GBE1: variants seen among roughly 807,000 people sequenced by gnomAD.
GBE1 encodes the protein 1,4-alpha-glucan branching enzyme 1.
GBE1 carries 70 observed loss-of-function variants against 88.8 expected under a neutral mutation model. The ratio of observed to expected loss-of-function variants is 0.79; its 90% CI spans 0.65 to 0.96. GBE1 has a LOEUF of 0.96. Ranked by LOEUF, GBE1 falls within the 40% of genes least tolerant of loss-of-function variation. The pLI is 0.00. For synonymous variants in GBE1, 284 were observed against 300.1 expected, an observed-to-expected ratio of 0.95 and a Z score of 0.56; for missense variants, 872 against 871.0, an observed-to-expected ratio of 1.00 and a Z score of -0.01.
chr3:81,586,521 C>A (rs183429128), intron 9 of GBE1, among the ~76,000 whole-genome samples: 6 of 152,238 alleles, frequency 3.9e-5, no homozygotes, highest in Admixed American at 2.6e-4. Context: ...AGTTTTGTTG[C>A]TTTCACCAAG....
chr3:81,633,113 A>G (rs746027482), intron 7 of GBE1, among the ~76,000 whole-genome samples: 1 of 152,170 alleles, frequency 6.6e-6, no homozygotes, highest in East Asian at 1.9e-4. Flanking sequence ...ATTATGGCAC[A>G]TGGTTTGGCT....
intron 13 of GBE1, 91 bp from the exon 14 acceptor site, chr3:81,535,416 T>C: frequency 1.6e-6 from 2 of 1,255,300 alleles, no homozygotes; most frequent in Non-Finnish European, 2.2e-6. Flanking sequence ...AGTCTGGTTA[T>C]TAAACCAAAA....
At position 81,560,333 on chromosome 3, in the gene GBE1, T is replaced by C. The variant is rs575920493; in HGVS notation, c.1618+17592A>G. On this transcript the variant is annotated intron_variant, in intron 12 of 15. Coordinates refer to ENST00000429644, the MANE Select transcript of GBE1 (RefSeq NM_000158.4). Reference sequence around the variant, plus strand: ...TCAGATAATGTTTCTTACTAAACTATAAAAATCATATTGGAATAATCTAAG... The same window carrying C: ...TCAGATAATGTTTCTTACTAAACTACAAAAATCATATTGGAATAATCTAAG... Among the ~76,000 whole-genome samples, 13 of 152,090 alleles carry C rather than the reference T, an allele frequency of 8.5e-5. 1 individual carries two copies. In the South Asian group the frequency reaches 2.5e-3, roughly 29 times the overall value.
At chr3:81,654,183 A>C (rs1704896328) in intron 3 of GBE1, among the ~76,000 whole-genome samples, 2 of 152,204 alleles carry the variant, frequency 1.3e-5, no homozygotes, top group South Asian at 4.1e-4. Context: ...GATTACATAA[A>C]TAATTTAATA....
intron 2 of GBE1, among the ~76,000 whole-genome samples, chr3:81,672,532 G>C (rs1268155324): frequency 6.6e-6 from 1 of 151,774 alleles, no homozygotes; most frequent in Non-Finnish European, 1.5e-5. Flanking sequence ...TCAAGATCAA[G>C]AACTATCAAA....
At chr3:81,758,602 T>C (rs913696872) in intron 1 of GBE1, among the ~76,000 whole-genome samples, 1 of 152,208 alleles carries the variant, frequency 6.6e-6, no homozygotes, top group Non-Finnish European at 1.5e-5. Context: ...TTTAAAGCAC[T>C]AAGATTTTGG....
chr3:81,560,820 C>T (rs1703405719), intron 12 of GBE1, among the ~76,000 whole-genome samples: 1 of 151,864 alleles, frequency 6.6e-6, no homozygotes, highest in Admixed American at 6.6e-5. Flanking sequence ...TGAAATAAGG[C>T]TTATATTTTT....
chr3:81,637,569 A>G lies in GBE1; in HGVS notation c.992+5212T>C, dbSNP rs533759811. ...AAATTGTTTTCAAATGTGGTTGTAC[A>G]TATTTATCCTTTGTATGCTATTTTT... On this transcript the variant is annotated intron_variant, in intron 7 of 15. Coordinates refer to ENST00000429644, the MANE Select transcript of GBE1 (RefSeq NM_000158.4). Among the ~76,000 whole-genome samples, 15 of 152,178 alleles carry G rather than the reference A, an allele frequency of 9.9e-5. No individual in the cohort carries two copies. In the East Asian group the frequency reaches 2.7e-3, roughly 27 times the overall value.
intron 2 of GBE1, among the ~76,000 whole-genome samples, chr3:81,686,188 T>C (rs1705435518): frequency 6.6e-6 from 1 of 152,126 alleles, no homozygotes; most frequent in South Asian, 2.1e-4. Flanking sequence ...CAGAGAAAAA[T>C]AATGTTTCGC....
chr3:81,574,715 C>T (rs1342107398), intron 12 of GBE1, among the ~76,000 whole-genome samples: 4 of 152,040 alleles, frequency 2.6e-5, no homozygotes, highest in East Asian at 1.9e-4. Flanking sequence ...GTCTCTGAGT[C>T]GAAGTTTTAG....
At chr3:81,618,773 A>G (rs973084508) in intron 7 of GBE1, among the ~76,000 whole-genome samples, 5 of 152,122 alleles carry the variant, frequency 3.3e-5, no homozygotes, top group African/African-American at 1.2e-4. Context: ...AAATCCTTGA[A>G]AAAGAAGCAT....
At chr3:81,711,496 T>C (rs188559871) in intron 1 of GBE1, among the ~76,000 whole-genome samples, 7 of 152,244 alleles carry the variant, frequency 4.6e-5, no homozygotes, top group Admixed American at 1.3e-4. Flanking sequence ...TCGTCAAAGA[T>C]CAGATGGTTG....
intron 7 of GBE1, among the ~76,000 whole-genome samples, chr3:81,606,339 C>T (rs1037255993): frequency 2.6e-5 from 4 of 152,196 alleles, no homozygotes; most frequent in African/African-American, 9.7e-5. Context: ...TTGCTAAAAC[C>T]ATGCACCAGG....
chr3:81,722,202 ATAT>A lies in GBE1; in HGVS notation c.144-16592_144-16590del, dbSNP rs1706044021. Among the ~76,000 whole-genome samples, 3 of 152,316 alleles carry A rather than the reference ATAT, an allele frequency of 2.0e-5. No individual in the cohort carries two copies. The South Asian group carries it at 6.2e-4, about 32-fold the overall frequency. On this transcript the variant is annotated intron_variant, in intron 1 of 15. Coordinates refer to ENST00000429644, the MANE Select transcript of GBE1 (RefSeq NM_000158.4). ...TAAGCACTGCCCATGCGTATCACAG[ATAT>A]TATGTATGTGACATTCATACATTTA...
At chr3:81,517,176 T>C (rs771762183) in intron 14 of GBE1, among the ~76,000 whole-genome samples, 2 of 151,454 alleles carry the variant, frequency 1.3e-5, no homozygotes, top group African/African-American at 4.8e-5. Context: ...TTCATTGTTG[T>C]CTTAGCCACC....
chr3:81,579,411 A>G (rs1703690084), intron 11 of GBE1, among the ~76,000 whole-genome samples: 1 of 152,130 alleles, frequency 6.6e-6, no homozygotes, highest in Admixed American at 6.6e-5. Context: ...CTGAATTTTT[A>G]AAGTATGAAA....
At chr3:81,690,892 T>C (rs1322153098) in intron 2 of GBE1, among the ~76,000 whole-genome samples, 3 of 152,138 alleles carry the variant, frequency 2.0e-5, no homozygotes, top group African/African-American at 7.2e-5. Context: ...TCTGTAAGCA[T>C]GATTAAGTCC....
At chr3:81,569,100 T>C (rs979726331) in intron 12 of GBE1, among the ~76,000 whole-genome samples, 2 of 152,198 alleles carry the variant, frequency 1.3e-5, no homozygotes, top group South Asian at 4.1e-4. Context: ...GTGACACAAC[T>C]GTTTTATGGA....
rs1704764285 is a variant in GBE1, at chr3:81,646,450, C to T, written c.724G>A (p.Glu242Lys). ...YNCIQLMAIM[E>K]HAYYASFGYQ... ...CCAAAGCTGGCATAGTAAGCATGCT[C>T]CATGATTGCCATCAACTGAATGCAG... Residue 242 changes from glutamate to lysine, a missense_variant, in exon 6 of 16, where the codon GAG becomes AAG. Physicochemically the swap from Glu to Lys is moderately conservative, Grantham distance 56. Transcript: ENST00000429644. The T allele has an allele frequency of 6.2e-7, 1 of 1,603,242 alleles. No individual in the cohort carries two copies. The highest frequency in any genetic ancestry group is 1.3e-5 in the African/African-American group (1 of 74,472).
Sources: allele counts gnomAD v4.1 joint callset (sites outside exome capture counted in the v4.1 genomes callset), GRCh38; gene constraint gnomAD v4.1.1; transcripts MANE v1.5; gene names NCBI Gene and HGNC (gene_info 2026-07-23, HGNC 2026-07-21).